BPIFB4: variants seen among roughly 807,000 people sequenced by gnomAD.
BPIFB4 encodes BPI fold containing family B member 4, also known as BPI fold-containing family B member 4.
In BPIFB4, 62 loss-of-function variants were observed where a neutral mutation model predicts 69.2. The ratio of observed to expected loss-of-function variants is 0.90; its 90% CI spans 0.73 to 1.11. BPIFB4 has a LOEUF of 1.11. BPIFB4 is among the 50% of genes least tolerant of loss of function. The pLI is 0.00. For missense variants in BPIFB4, 789 were observed against 792.0 expected (o/e 1.00, Z 0.04); for synonymous variants, 330 against 332.7 (o/e 0.99, Z 0.09).
chr20:33,083,990 G>A, intron 5 of BPIFB4, 116 bp downstream of exon 5: 1 of 1,284,748 alleles, frequency 7.8e-7, no homozygotes, highest in Non-Finnish European at 1.0e-6. Context: ...CACACTTCAG[G>A]GTTTGGCCTC....
At chr20:33,084,369 A>G (rs1290344730) in intron 5 of BPIFB4, among the ~76,000 whole-genome samples, 1 of 152,212 alleles carries the variant, frequency 6.6e-6, no homozygotes, top group Non-Finnish European at 1.5e-5. Context: ...CGGAGCTTGC[A>G]GGTTGATAGG....
At chr20:33,081,854 T>TA (rs370582089) in intron 3 of BPIFB4, among the ~76,000 whole-genome samples, 13 of 152,380 alleles carry the variant, frequency 8.5e-5, no homozygotes, top group Non-Finnish European at 1.2e-4. Flanking sequence ...GCTCATTCTT[T>TA]AGAGGCAATA....
chr20:33,092,750 T>C, intron 11 of BPIFB4, 92 bp downstream of exon 11: 1 of 1,280,682 alleles, frequency 7.8e-7, no homozygotes, highest in Non-Finnish European at 1.1e-6. Context: ...GAATTTGCTG[T>C]GAAGTGAGAA....
chr20:33,104,266 CATATG>C (rs1981982919), intron 15 of BPIFB4, among the ~76,000 whole-genome samples: 1 of 152,210 alleles, frequency 6.6e-6, no homozygotes, highest in African/African-American at 2.4e-5. Context: ...AGGGAGGTAA[CATATG>C]AAAAGGCTCA....
intron 16 of BPIFB4, among the ~76,000 whole-genome samples, chr20:33,105,540 A>G (rs1982025021): frequency 6.6e-6 from 1 of 152,012 alleles, no homozygotes; most frequent in Admixed American, 6.6e-5. Flanking sequence ...TTGTTGAACT[A>G]TGGGGGTCAT....
At chr20:33,085,059 C>T (rs1981383861) in intron 6 of BPIFB4, 63 bp downstream of exon 6, 3 of 1,563,948 alleles carry the variant, frequency 1.9e-6, no homozygotes, top group Admixed American at 1.9e-5. Flanking sequence ...GTATCCATAA[C>T]ACAGAGGCTA....
rs755057163 is a variant in BPIFB4 at position 33,083,692 on chromosome 20, G to A, written c.495G>A (p.Ala165=). The change falls in exon 5 of 18, where the codon GCG becomes GCA. Residue 165 remains alanine (A), a synonymous_variant. Coordinates refer to ENST00000375483, the MANE Select transcript of BPIFB4 (RefSeq NM_182519.3). The stretch of plus-strand genomic sequence containing the variant: ...TCCCACCTGGAGTTGCCACTGGGGC[G>A]GTGGGCCCAGGTGGTTTGCTGGGCA... ...GEIPPGVATG[A]VGPGGLLGTG... 1.9e-5 allele frequency: 30 copies of A among 1,613,914 alleles called. No individual in the cohort carries two copies. The highest frequency in any genetic ancestry group is 1.6e-4 in the Middle Eastern group (1 of 6,076).
intron 14 of BPIFB4, 60 bp downstream of exon 14, chr20:33,100,553 C>T: frequency 1.3e-6 from 2 of 1,504,890 alleles, no homozygotes; most frequent in East Asian, 2.3e-5. Context: ...GGAGGAGCCA[C>T]CAGGGAGCGG....
intron 2 of BPIFB4, 139 bp from the exon 3 acceptor site, chr20:33,081,373 G>C (rs1210701427): frequency 1.4e-6 from 2 of 1,413,292 alleles, no homozygotes; most frequent in Non-Finnish European, 1.9e-6. Flanking sequence ...CCCTGCCTTA[G>C]TATGTGACCT....
chr20:33,096,491 T>C (rs1377116536), intron 12 of BPIFB4, among the ~76,000 whole-genome samples: 1 of 152,180 alleles, frequency 6.6e-6, no homozygotes, highest in East Asian at 1.9e-4. Flanking sequence ...ACCAGGCTGG[T>C]CTCGAACTCC....
chr20:33,084,183 A>G (rs1429686269), intron 5 of BPIFB4, among the ~76,000 whole-genome samples: 4 of 152,156 alleles, frequency 2.6e-5, no homozygotes, highest in Non-Finnish European at 5.9e-5. Context: ...AGTGGAAAAG[A>G]CCCCAAGGAT....
In BPIFB4 at chr20:33,083,656, G is replaced by C. The variant is rs774792339; in HGVS notation, c.459G>C (p.Gln153His). ...GCAGGCTTCACCGGCGAGAGCTGCA[G>C]CCTGGAGAAATCCCACCTGGAGTTG... ...PVGRLHRRELQPGEIPPGVAT... is the reference protein window; with the variant it reads ...PVGRLHRRELHPGEIPPGVAT... The change falls in exon 5 of 18, where the codon CAG becomes CAC. Residue 153 changes from glutamine (Q) to histidine (H), a missense_variant. Coordinates refer to ENST00000375483, the MANE Select transcript of BPIFB4 (RefSeq NM_182519.3). 3 of 1,614,116 alleles carry C rather than the reference G, an allele frequency of 1.9e-6. No individual in the cohort carries two copies. Among genetic ancestry groups the C allele is most frequent in the Non-Finnish European group, 1.7e-6 (2 of 1,180,000 alleles).
chr20:33,111,557 G>A lies in BPIFB4; in HGVS notation c.*120G>A, dbSNP rs982556946. ...CAGCCTCCATGACAGGTCCCTCCCT[G>A]GCCCCCCAACCCTCTTCCTCCCTTG... is the stretch of plus-strand genomic sequence containing the variant. On this transcript the variant is annotated 3_prime_UTR_variant, in exon 18 of 18. Coordinates refer to ENST00000375483, the MANE Select transcript of BPIFB4 (RefSeq NM_182519.3). 1.6e-6 allele frequency: 2 copies of A among 1,290,292 alleles called. No individual in the cohort carries two copies. The highest frequency in any genetic ancestry group is 2.2e-6 in the Non-Finnish European group (2 of 909,116). The allele number at this position is 1,290,292 out of a possible 1,614,324, so 79.9% of individuals were successfully genotyped here.
At chr20:33,101,387 G>A (rs1248704696) in intron 14 of BPIFB4, among the ~76,000 whole-genome samples, 14 of 152,172 alleles carry the variant, frequency 9.2e-5, no homozygotes. Context: ...GACTGACTGT[G>A]TGATATTGGC....
chr20:33,083,925 G>A (rs1981339633), intron 5 of BPIFB4, 51 bp downstream of exon 5: 9 of 1,531,650 alleles, frequency 5.9e-6, no homozygotes, highest in Middle Eastern at 2.0e-4. Flanking sequence ...CCTCCAAATG[G>A]GGGTGATCAC....
Position 33,111,593 on chromosome 20 carries a change from G to A in BPIFB4, c.*156G>A, listed in dbSNP as rs1982240762. The A allele has an allele frequency of 3.4e-6, 3 of 885,994 alleles. No homozygotes were observed. Among genetic ancestry groups the A allele is most frequent in the Admixed American group, 2.3e-5 (1 of 43,780 alleles). 54.9% of individuals were successfully genotyped at this position (885,994 alleles called of 1,614,324 possible). A position where few individuals can be genotyped will look rare whatever the true frequency, so the allele number is the denominator to read the frequency against. On this transcript the variant is annotated 3_prime_UTR_variant, in exon 18 of 18. Transcript: ENST00000375483. Reference sequence around the variant, plus strand: ...CCTCTTCCTCCCTTGCCCCAACCCTGAGAAAGGGTCCAGCCACTACCCTGT... The same window carrying A: ...CCTCTTCCTCCCTTGCCCCAACCCTAAGAAAGGGTCCAGCCACTACCCTGT...
chr20:33,087,716 C>CG (rs1981470969), intron 7 of BPIFB4, among the ~76,000 whole-genome samples: 1 of 43,666 alleles, frequency 2.3e-5, no homozygotes, highest in South Asian at 9.6e-4. Flanking sequence ...ACTATCCCCT[C>CG]AACACACACA....
At chr20:33,104,969 T>C (rs1982007400) in intron 16 of BPIFB4, 96 bp downstream of exon 16, 6 of 1,240,966 alleles carry the variant, frequency 4.8e-6, no homozygotes, top group Non-Finnish European at 6.9e-6. Context: ...CTATCCTACC[T>C]CAATAGTATT....
intron 14 of BPIFB4, among the ~76,000 whole-genome samples, chr20:33,102,164 C>T (rs897836651): frequency 5.9e-5 from 9 of 152,112 alleles, no homozygotes; most frequent in African/African-American, 1.4e-4. Context: ...GAAAAGGGCA[C>T]GGATACTGTG....
Sources: allele counts gnomAD v4.1 joint callset (sites outside exome capture counted in the v4.1 genomes callset), GRCh38; gene constraint gnomAD v4.1.1; transcripts MANE v1.5; gene names NCBI Gene and HGNC (gene_info 2026-07-23, HGNC 2026-07-21).